Variants in ANKS1B observed in about 807,000 individuals in gnomAD.
ANKS1B encodes the protein ankyrin repeat and sterile alpha motif domain containing 1B, also known as ankyrin repeat and sterile alpha motif domain-containing protein 1B.
ANKS1B carries 36 observed loss-of-function variants against 148.3 expected under a neutral mutation model. That is an observed-to-expected ratio of 0.24 (90% CI 0.19 to 0.32). ANKS1B has a LOEUF of 0.32. Ranked by LOEUF, ANKS1B falls within the 10% of genes least tolerant of loss-of-function variation. The probability of loss-of-function intolerance (pLI) is 1.00; values close to 1 mark genes in which losing one functional copy is unlikely to be tolerated. For missense variants in ANKS1B, 1,157 were observed against 1,542.6 expected, an observed-to-expected ratio of 0.75 and a Z score of 4.19; for synonymous variants, 542 against 560.8, an observed-to-expected ratio of 0.97 and a Z score of 0.47.
At chr12:99,666,503 C>A (rs1216113398) in intron 8 of ANKS1B, among the ~76,000 whole-genome samples, 3 of 150,996 alleles carry the variant, frequency 2.0e-5, no homozygotes, top group Admixed American at 6.6e-5. Context: ...CAGGTCTTGC[C>A]CATATCCTGT....
intron 16 of ANKS1B, among the ~76,000 whole-genome samples, chr12:99,082,679 T>C (rs2050221842): frequency 6.6e-6 from 1 of 152,146 alleles, no homozygotes; most frequent in Non-Finnish European, 1.5e-5. Context: ...TGGAATGCAC[T>C]GTGGTAGTCC....
At chr12:98,759,835 C>A (rs2098359344) in intron 25 of ANKS1B, among the ~76,000 whole-genome samples, 1 of 152,094 alleles carries the variant, frequency 6.6e-6, no homozygotes, top group African/African-American at 2.4e-5. Flanking sequence ...AAAAAATTAG[C>A]TGGGCGTGGT....
chr12:99,270,127 G>A (rs776305562), intron 12 of ANKS1B, among the ~76,000 whole-genome samples: 12 of 152,202 alleles, frequency 7.9e-5, no homozygotes, highest in African/African-American at 2.2e-4. Context: ...GCCCCAGTTA[G>A]GTTGATCAGT....
At chr12:98,832,626 C>T (rs1158607207) in intron 17 of ANKS1B, among the ~76,000 whole-genome samples, 2 of 152,124 alleles carry the variant, frequency 1.3e-5, no homozygotes, top group African/African-American at 4.8e-5. Context: ...CCCCCTCTCC[C>T]CTCTGAGATT....
intron 9 of ANKS1B, among the ~76,000 whole-genome samples, chr12:99,594,914 C>T (rs985709528): frequency 6.6e-6 from 1 of 151,790 alleles, no homozygotes; most frequent in African/African-American, 2.4e-5. Context: ...ATAGAACTGG[C>T]CTAAAACTAC....
intron 17 of ANKS1B, among the ~76,000 whole-genome samples, chr12:98,994,445 C>T (rs1258255803): frequency 6.6e-6 from 1 of 151,982 alleles, no homozygotes; most frequent in Non-Finnish European, 1.5e-5. Flanking sequence ...GGTGAAACCC[C>T]GTCTCTACTA....
intron 17 of ANKS1B, among the ~76,000 whole-genome samples, chr12:98,960,733 T>A (rs113222349): frequency 0.018 from 2,754 of 152,270 alleles, 33 homozygotes; most frequent in Non-Finnish European, 0.029. Flanking sequence ...ATAACTGTTT[T>A]GAGGAAATGC....
At chr12:99,170,532 G>A (rs186620773) in intron 14 of ANKS1B, among the ~76,000 whole-genome samples, 18 of 152,256 alleles carry the variant, frequency 1.2e-4, no homozygotes, top group East Asian at 9.6e-4. Context: ...TATCTCAATC[G>A]TAGGGATATA....
chr12:99,796,415 AG>A (rs2066262249), intron 4 of ANKS1B, among the ~76,000 whole-genome samples: 1 of 151,988 alleles, frequency 6.6e-6, no homozygotes, highest in Non-Finnish European at 1.5e-5. Context: ...CGGCAGGGGT[AG>A]GGGGAACTAT....
At chr12:99,670,870 C>A (rs959485045) in intron 8 of ANKS1B, among the ~76,000 whole-genome samples, 6 of 151,976 alleles carry the variant, frequency 3.9e-5, no homozygotes, top group African/African-American at 7.2e-5. Context: ...GGCAAATGAG[C>A]TATTAGGAAA....
intron 8 of ANKS1B, among the ~76,000 whole-genome samples, chr12:99,694,185 C>T (rs2053556330): frequency 6.6e-6 from 1 of 150,610 alleles, no homozygotes; most frequent in Non-Finnish European, 1.5e-5. Flanking sequence ...CCTGTAATCC[C>T]AGCACTTTGG....
In ANKS1B at chr12:99,823,053, AT is replaced by A. The variant is rs1421824142; in HGVS notation, c.215+2255del. Among the ~76,000 whole-genome samples, 3 of 152,054 alleles carry A rather than the reference AT, an allele frequency of 2.0e-5. No homozygotes were observed. The East Asian group carries it at 5.8e-4, about 29-fold the overall frequency. The stretch of plus-strand genomic sequence containing the variant: ...TCTCTGACGATTAGTGATGTTGAGC[AT>A]TTTTTCATACACTTGTTGGCCACTT... On this transcript the variant is annotated intron_variant, in intron 2 of 26. Coordinates refer to ENST00000683438, the MANE Select transcript of ANKS1B (RefSeq NM_001352186.2).
chr12:99,956,746 T>C (rs560175468), intron 1 of ANKS1B, among the ~76,000 whole-genome samples: 1 of 152,310 alleles, frequency 6.6e-6, no homozygotes, highest in African/African-American at 2.4e-5. Flanking sequence ...CCTTGATCAG[T>C]ACATTCTCTC....
rs2097759674 is a variant in ANKS1B at position 99,596,491 on chromosome 12, G to A, written c.1272+58576C>T. Among the ~76,000 whole-genome samples the A allele has an allele frequency of 2.0e-5, 3 of 151,816 alleles. No individual in the cohort carries two copies. The South Asian group carries it at 6.2e-4, about 31-fold the overall frequency. The stretch of plus-strand genomic sequence containing the variant: ...CATCTTAACTAATTATACCTGCAAA[G>A]CCCCTACTTGCAAATATGGTCATAT... On this transcript the variant is annotated intron_variant, in intron 9 of 26. Coordinates refer to ENST00000683438, the MANE Select transcript of ANKS1B (RefSeq NM_001352186.2).
intron 9 of ANKS1B, among the ~76,000 whole-genome samples, chr12:99,521,183 T>A (rs2153059207): frequency 6.6e-6 from 1 of 152,320 alleles, no homozygotes; most frequent in South Asian, 2.1e-4. Flanking sequence ...TGATGCATTC[T>A]TCAGTGTGTT....
intron 10 of ANKS1B, among the ~76,000 whole-genome samples, 183 bp downstream of exon 10, chr12:99,504,293 A>C (rs138259245): frequency 1.6e-4 from 24 of 152,258 alleles, no homozygotes; most frequent in South Asian, 1.2e-3. Flanking sequence ...AAGTTAGGAG[A>C]CTTCAAATAA....
chr12:99,010,901 GTTT>G (rs1309326368), intron 17 of ANKS1B, among the ~76,000 whole-genome samples: 1 of 51,308 alleles, frequency 1.9e-5, no homozygotes, highest in Non-Finnish European at 3.8e-5. Context: ...GTGAGCTTTT[GTTT>G]TTTTTTTTTT....
intron 14 of ANKS1B, among the ~76,000 whole-genome samples, chr12:99,221,193 G>C (rs568425076): frequency 6.7e-4 from 101 of 151,876 alleles, no homozygotes; most frequent in Non-Finnish European, 1.0e-3. Flanking sequence ...CAAAAAAATT[G>C]GCCAGGCATG....
chr12:98,924,176 C>T (rs776651895), intron 17 of ANKS1B, among the ~76,000 whole-genome samples: 66 of 152,190 alleles, frequency 4.3e-4, no homozygotes, highest in Non-Finnish European at 7.8e-4. Flanking sequence ...CACTGCAGTG[C>T]TGAGATTGGG....
Sources: gnomAD v4.1 joint callset for allele counts (sites outside exome capture counted in the v4.1 genomes callset) on GRCh38, gnomAD v4.1.1 for gene constraint, MANE v1.5 for transcripts, NCBI Gene and HGNC (gene_info 2026-07-23, HGNC 2026-07-21) for gene names.